The following CACNA1B variants were observed in gnomAD, a reference collection of about 807,000 sequenced individuals.
CACNA1B encodes the protein voltage-dependent N-type calcium channel subunit alpha-1B.
In CACNA1B, 70 loss-of-function variants were observed where a neutral mutation model predicts 247.2. The observed-to-expected ratio is 0.28, with a 90% CI of 0.23 to 0.35. CACNA1B has a LOEUF of 0.35. Ranked by LOEUF, CACNA1B falls within the 10% of genes least tolerant of loss-of-function variation. CACNA1B has a pLI of 1.00. For synonymous variants in CACNA1B, 1,231 were observed against 1,294.4 expected (o/e 0.95, Z 1.05); for missense variants, 2,367 against 3,197.4 (o/e 0.74, Z 6.26).
In CACNA1B at chr9:138,121,360, T is replaced by C; in HGVS notation, c.6490-109T>C. On this transcript the variant is annotated intron_variant, in intron 46 of 46. Transcript: ENST00000371372. This position sits in a 1 kb window ranked among gnomAD's most constrained non-coding sequence, Gnocchi z 6.8. ...AGCCCGTTGTCCCCCATTGCCTCCC[T>C]CTCTCCTCCCATCCCCCCAGGCACC... The C allele has an allele frequency of 1.2e-6, 1 of 838,082 alleles. No individual in the cohort carries two copies. 51.9% of individuals were successfully genotyped at this position (838,082 alleles called of 1,614,324 possible).
rs1393623901 is a variant in CACNA1B at position 138,122,873 on chromosome 9, GGCCTCGGGATCCATCACC to G, written c.*877_*894del. 6.6e-6 allele frequency: 1 copy of G among 152,222 alleles called. No individual in the cohort carries two copies. Among genetic ancestry groups the G allele is most frequent in the African/African-American group, 2.4e-5 (1 of 41,460 alleles). The allele number at this position is 152,222 out of a possible 1,614,324, so 9.4% of individuals were successfully genotyped here. A position where few individuals can be genotyped will look rare whatever the true frequency, so the allele number is the denominator to read the frequency against. On this transcript the variant is annotated 3_prime_UTR_variant, in exon 47 of 47. Coordinates refer to ENST00000371372, the MANE Select transcript of CACNA1B (RefSeq NM_000718.4). ...TCCTGGGCACTGTGGTGTGAGGCGA[GGCCTCGGGATCCATCACC>G]GCAGGATGCTGTGAAAAGTACTCGC...
chr9:137,958,621 C>T (rs899543889), intron 10 of CACNA1B, among the ~76,000 whole-genome samples: 1 of 152,118 alleles, frequency 6.6e-6, no homozygotes, highest in Non-Finnish European at 1.5e-5. Flanking sequence ...AAAAATACTG[C>T]CCCCAAGTCT....
chr9:137,913,290 G>C lies in CACNA1B; in HGVS notation c.622+19G>C, dbSNP rs1363527872. ...ATTCCAAGTGAGTCCAGCGAAGACA[G>C]GCCCAAGCCGGCTTGGAGTAACAAC... On this transcript the variant is annotated intron_variant, in intron 4 of 46. Transcript: ENST00000371372. This position sits in a 1 kb window ranked among gnomAD's most constrained non-coding sequence, Gnocchi z 5.2. 1.3e-6 allele frequency: 2 copies of C among 1,588,422 alleles called. No homozygotes were observed. Among genetic ancestry groups the C allele is most frequent in the Non-Finnish European group, 1.7e-6 (2 of 1,156,980 alleles).
At chr9:137,978,435 G>T (rs775684507) in intron 12 of CACNA1B, among the ~76,000 whole-genome samples, 1 of 146,546 alleles carries the variant, frequency 6.8e-6, no homozygotes, top group African/African-American at 2.5e-5. Context: ...TGGGAGCACT[G>T]CCCCCCCGAG....
rs530070094 is a variant in CACNA1B at position 137,972,979 on chromosome 9, G to A, written c.1543+1387G>A. Among the ~76,000 whole-genome samples, 14 of 152,266 alleles carry A rather than the reference G, an allele frequency of 9.2e-5. No individual in the cohort carries two copies. In the South Asian group the frequency reaches 1.2e-3, roughly 14 times the overall value. ...GTTCAGTGTCTCTCTTGAGTCCTCC[G>A]GCTAAGGTTTTCCCACCCTTGGGGG... On this transcript the variant is annotated intron_variant, in intron 11 of 46. Coordinates refer to ENST00000371372, the MANE Select transcript of CACNA1B (RefSeq NM_000718.4).
chr9:137,953,631 A>G (rs1455381566), intron 7 of CACNA1B, among the ~76,000 whole-genome samples: 2 of 152,074 alleles, frequency 1.3e-5, no homozygotes, highest in Non-Finnish European at 2.9e-5. Context: ...GGCTTGGAGG[A>G]GGCACCGGGG....
intron 6 of CACNA1B, among the ~76,000 whole-genome samples, chr9:137,949,854 T>G (rs547362486): frequency 4.5e-4 from 69 of 152,244 alleles, no homozygotes; most frequent in Admixed American, 7.8e-4. Context: ...TAGAAGTATC[T>G]GTAAGGTACT....
chr9:138,106,171 A>G (rs1378036199), intron 39 of CACNA1B, among the ~76,000 whole-genome samples: 2 of 152,108 alleles, frequency 1.3e-5, no homozygotes, highest in Admixed American at 6.5e-5. Context: ...GCCCCCTCCC[A>G]TAGTGAGCCC....
chr9:138,048,634 G>A (rs1959204464), intron 23 of CACNA1B, among the ~76,000 whole-genome samples: 1 of 152,196 alleles, frequency 6.6e-6, no homozygotes, highest in Non-Finnish European at 1.5e-5. Context: ...GCCACACTGA[G>A]CCTTCCATGG....
chr9:137,994,602 T>C (rs1391371693), intron 15 of CACNA1B, among the ~76,000 whole-genome samples: 1 of 152,202 alleles, frequency 6.6e-6, no homozygotes, highest in African/African-American at 2.4e-5. Flanking sequence ...ACTCAACCCC[T>C]TTTACAGTAG....
chr9:138,051,499 G>T lies in CACNA1B; in HGVS notation c.3711-593G>T, dbSNP rs1389867546. ...TCCTTCCCTCCCTCTCCCCTTGTTT[G>T]TCTTAGTCCACCATGCCTCTTGCAT... is the stretch of plus-strand genomic sequence containing the variant. On this transcript the variant is annotated intron_variant, in intron 24 of 46. Transcript: ENST00000371372. The surrounding 1 kb of genome is among the most constrained non-coding windows in gnomAD (Gnocchi z 4.3). Among the ~76,000 whole-genome samples the T allele has an allele frequency of 1.0e-5, 1 of 98,954 alleles. No homozygotes were observed. Among genetic ancestry groups the T allele is most frequent in the Non-Finnish European group, 1.9e-5 (1 of 53,414 alleles). The allele number at this position is 98,954 out of a possible 152,430, so 64.9% of individuals were successfully genotyped here.
intron 15 of CACNA1B, among the ~76,000 whole-genome samples, chr9:137,996,476 A>G (rs1198034688): frequency 6.6e-6 from 1 of 152,240 alleles, no homozygotes; most frequent in African/African-American, 2.4e-5. Flanking sequence ...ATGCAAAGGC[A>G]TAAGAATGAT....
intron 6 of CACNA1B, among the ~76,000 whole-genome samples, chr9:137,930,802 T>A (rs542269087): frequency 6.6e-6 from 1 of 152,344 alleles, no homozygotes; most frequent in South Asian, 2.1e-4. Flanking sequence ...TTGCTATTTT[T>A]TTTTGATGGA....
In CACNA1B at chr9:138,014,744, C is replaced by T. The variant is rs971023852; in HGVS notation, c.2267+1509C>T. On this transcript the variant is annotated intron_variant, in intron 18 of 46. Coordinates refer to ENST00000371372, the MANE Select transcript of CACNA1B (RefSeq NM_000718.4). The surrounding 1 kb of genome is among the most constrained non-coding windows in gnomAD (Gnocchi z 6.2). ...TTGCCTTCTCTGCTGTTCCTGGAGGCGAGCACTTGTCCCTTGACCCCTGCT... is the reference window on the plus strand; with the variant it reads ...TTGCCTTCTCTGCTGTTCCTGGAGGTGAGCACTTGTCCCTTGACCCCTGCT... Among the ~76,000 whole-genome samples the T allele has an allele frequency of 2.0e-5, 3 of 151,914 alleles. No individual in the cohort carries two copies. Among genetic ancestry groups the T allele is most frequent in the Non-Finnish European group, 2.9e-5 (2 of 67,976 alleles).
chr9:137,927,836 T>G (rs1564193548), intron 6 of CACNA1B, among the ~76,000 whole-genome samples: 1 of 152,174 alleles, frequency 6.6e-6, no homozygotes, highest in African/African-American at 2.4e-5. Flanking sequence ...TTCTGAGAGT[T>G]TTTGTTTTGA....
chr9:138,001,326 G>A (rs1958574772), intron 15 of CACNA1B, among the ~76,000 whole-genome samples: 1 of 152,172 alleles, frequency 6.6e-6, no homozygotes, highest in South Asian at 2.1e-4. Context: ...AACCAGGATG[G>A]GTGATAGCTA....
chr9:137,944,608 T>C (rs1256720236), intron 6 of CACNA1B, among the ~76,000 whole-genome samples: 1 of 152,164 alleles, frequency 6.6e-6, no homozygotes, highest in Non-Finnish European at 1.5e-5. Context: ...GAATTGAACA[T>C]CTCCCCTGAG....
intron 38 of CACNA1B, among the ~76,000 whole-genome samples, chr9:138,103,488 G>A (rs570473693): frequency 1.3e-5 from 2 of 152,256 alleles, no homozygotes; most frequent in African/African-American, 4.8e-5. Flanking sequence ...GGAGTCATGG[G>A]ATGCTGAGTT....
chr9:138,006,753 C>T lies in CACNA1B; in HGVS notation c.1975-14C>T. 6.6e-7 allele frequency: 1 copy of T among 1,505,138 alleles called. No homozygotes were observed. The highest frequency in any genetic ancestry group is 9.2e-7 in the Non-Finnish European group (1 of 1,082,038). The allele number at this position is 1,505,138 out of a possible 1,614,324, so 93.2% of individuals were successfully genotyped here. A position where few individuals can be genotyped will look rare whatever the true frequency, so the allele number is the denominator to read the frequency against. Reference sequence around the variant, plus strand: ...GCCATGGGGGCTTGCCCTGTGTTCTCTCCATCCTGGCAGATCCTGACGGGA... The same window carrying T: ...GCCATGGGGGCTTGCCCTGTGTTCTTTCCATCCTGGCAGATCCTGACGGGA... On this transcript the variant is annotated splice_polypyrimidine_tract_variant and intron_variant, in intron 15 of 46. Coordinates refer to ENST00000371372, the MANE Select transcript of CACNA1B (RefSeq NM_000718.4).
Sources: allele counts gnomAD v4.1 joint callset (sites outside exome capture counted in the v4.1 genomes callset), GRCh38; gene constraint gnomAD v4.1.1; non-coding constraint Gnocchi (gnomAD v3.1); transcripts MANE v1.5; gene names NCBI Gene and HGNC (gene_info 2026-07-23, HGNC 2026-07-21).